PRKCB: variants seen among roughly 807,000 people sequenced by gnomAD.
PRKCB encodes protein kinase C beta type.
Under a neutral mutation model 81.5 loss-of-function variants are expected in PRKCB, and 13 were observed. That is an observed-to-expected ratio of 0.16 (90% CI 0.10 to 0.25). The LOEUF (loss-of-function observed/expected upper bound fraction) is 0.25. Ranked by LOEUF, PRKCB falls within the 10% of genes least tolerant of loss-of-function variation. PRKCB has a pLI of 1.00. For missense variants in PRKCB, 509 were observed against 875.7 expected, an observed-to-expected ratio of 0.58 and a Z score of 5.29; for synonymous variants, 335 against 321.4, an observed-to-expected ratio of 1.04 and a Z score of -0.45.
In PRKCB at chr16:24,215,252, A is replaced by G. The variant is rs1171577083; in HGVS notation, c.*436A>G. On this transcript the variant is annotated 3_prime_UTR_variant, in exon 17 of 17. Coordinates refer to ENST00000643927, the MANE Select transcript of PRKCB (RefSeq NM_002738.7). Reference sequence around the variant, plus strand: ...ATCCAAGTGTATGGTTGCTTTGCCTAAGAGGAATCCCTCTATTTCACCTGT... The same window carrying G: ...ATCCAAGTGTATGGTTGCTTTGCCTGAGAGGAATCCCTCTATTTCACCTGT... The G allele has an allele frequency of 1.0e-6, 1 of 992,512 alleles. No homozygotes were observed. Among genetic ancestry groups the G allele is most frequent in the African/African-American group, 1.7e-5 (1 of 57,354 alleles). The allele number at this position is 992,512 out of a possible 1,614,324, so 61.5% of individuals were successfully genotyped here. A position where few individuals can be genotyped will look rare whatever the true frequency, so the allele number is the denominator to read the frequency against.
At chr16:23,958,266 A>G (rs1333530151) in intron 2 of PRKCB, among the ~76,000 whole-genome samples, 1 of 152,158 alleles carries the variant, frequency 6.6e-6, no homozygotes, top group Admixed American at 6.5e-5. Context: ...TACTGGGATT[A>G]CAAGTGTGAG....
At chr16:23,951,055 A>G (rs2141778883) in intron 2 of PRKCB, among the ~76,000 whole-genome samples, 1 of 152,324 alleles carries the variant, frequency 6.6e-6, no homozygotes, top group African/African-American at 2.4e-5. Flanking sequence ...GGGTGTTTGA[A>G]TATAAGAACA....
At chr16:23,999,924 G>A (rs957085814) in intron 3 of PRKCB, among the ~76,000 whole-genome samples, 4 of 152,120 alleles carry the variant, frequency 2.6e-5, no homozygotes, top group African/African-American at 9.7e-5. Flanking sequence ...GACTGACGAC[G>A]AGCAGGTTGT....
At chr16:24,168,541 C>CCTTTTTTTT (rs1967383206) in intron 10 of PRKCB, among the ~76,000 whole-genome samples, 2 of 76,330 alleles carry the variant, frequency 2.6e-5, no homozygotes, top group Non-Finnish European at 5.9e-5. Context: ...TCTTCTTCTA[C>CCTTTTTTTT]TTTTTTTTTT....
intron 2 of PRKCB, among the ~76,000 whole-genome samples, chr16:23,859,546 G>C (rs545603992): frequency 6.2e-4 from 94 of 152,252 alleles, no homozygotes; most frequent in African/African-American, 2.1e-3. Context: ...ATGGTGGAGA[G>C]GGGGGAGAAA....
intron 16 of PRKCB, among the ~76,000 whole-genome samples, chr16:24,206,289 G>A (rs1968044187): frequency 6.6e-6 from 1 of 152,186 alleles, no homozygotes; most frequent in African/African-American, 2.4e-5. Flanking sequence ...TCGGCTGTGG[G>A]AAACTGGAAG....
At chr16:24,193,759 GA>G (rs2141981755) in intron 16 of PRKCB, among the ~76,000 whole-genome samples, 1 of 152,268 alleles carries the variant, frequency 6.6e-6, no homozygotes, top group Non-Finnish European at 1.5e-5. Context: ...TGGTGAGATA[GA>G]AGAGAAAGTG....
chr16:23,952,075 T>C (rs976987206), intron 2 of PRKCB, among the ~76,000 whole-genome samples: 1 of 152,158 alleles, frequency 6.6e-6, no homozygotes, highest in African/African-American at 2.4e-5. Flanking sequence ...TGAATGAGTT[T>C]TTTTTGTGTG....
At chr16:24,054,676 G>A (rs1976196) in intron 5 of PRKCB, among the ~76,000 whole-genome samples, 37,430 of 152,114 alleles carry the variant, frequency 0.25, 4,804 homozygotes, top group African/African-American at 0.29. Context: ...GGGAGGAAAA[G>A]GTTCTTTTCT....
chr16:24,203,707 A>G (rs562855357), intron 16 of PRKCB, among the ~76,000 whole-genome samples: 3 of 152,216 alleles, frequency 2.0e-5, no homozygotes, highest in Admixed American at 6.5e-5. Context: ...TTGTTTTGTT[A>G]CAAGTGCAGT....
At position 23,950,132 on chromosome 16, in the gene PRKCB, A is replaced by AGTTTTTTT. The variant is rs55986931; in HGVS notation, c.206-38376_206-38375insGTTTTTTT. On this transcript the variant is annotated intron_variant, in intron 2 of 16. Transcript: ENST00000643927. ...AGCAGCATTGGCCCCTATGATTTGAATTTTTTTTTTTTTTTTTTTTTTTTT... is the reference window on the plus strand; with the variant it reads ...AGCAGCATTGGCCCCTATGATTTGAAGTTTTTTTTTTTTTTTTTTTTTTTTTTTTTTTT... 7.8e-4 allele frequency among the ~76,000 whole-genome samples: 76 copies of AGTTTTTTT among 97,770 alleles called. 15 individuals carry two copies. The highest frequency in any genetic ancestry group is 9.1e-4 in the African/African-American group (22 of 24,118). The allele number at this position is 97,770 out of a possible 152,430, so 64.1% of individuals were successfully genotyped here.
chr16:23,886,379 C>T (rs1229626960), intron 2 of PRKCB, among the ~76,000 whole-genome samples: 2 of 141,648 alleles, frequency 1.4e-5, no homozygotes, highest in Non-Finnish European at 3.0e-5. Context: ...AGAGTCACTG[C>T]GAGGGTTGGA....
intron 7 of PRKCB, among the ~76,000 whole-genome samples, chr16:24,096,666 A>ATATATATATATATATAT (rs1555496499): frequency 9.2e-5 from 3 of 32,674 alleles, no homozygotes; most frequent in South Asian, 1.5e-3. Flanking sequence ...AAAAAAAAAA[A>ATATATATATATATATAT]ATATATATAT....
At chr16:24,012,375 A>G (rs929896103) in intron 3 of PRKCB, among the ~76,000 whole-genome samples, 2 of 152,304 alleles carry the variant, frequency 1.3e-5, no homozygotes, top group Admixed American at 6.5e-5. Flanking sequence ...ACTAATAAGC[A>G]GAGTCTGGAT....
At chr16:24,157,362 T>C (rs1257163655) in intron 10 of PRKCB, among the ~76,000 whole-genome samples, 1 of 152,172 alleles carries the variant, frequency 6.6e-6, no homozygotes, top group Non-Finnish European at 1.5e-5. Flanking sequence ...GGTAATTGAA[T>C]CATGGGGGCG....
intron 13 of PRKCB, 109 bp downstream of exon 13, chr16:24,181,037 C>G: frequency 7.4e-7 from 1 of 1,357,596 alleles, no homozygotes; most frequent in Non-Finnish European, 1.0e-6. Flanking sequence ...AAGGGAACCT[C>G]GGACAGATTC....
At chr16:23,947,540 G>A (rs1964218774) in intron 2 of PRKCB, among the ~76,000 whole-genome samples, 1 of 152,148 alleles carries the variant, frequency 6.6e-6, no homozygotes, top group Non-Finnish European at 1.5e-5. Flanking sequence ...CTGAAGTTCT[G>A]TGAATCTGTG....
intron 2 of PRKCB, among the ~76,000 whole-genome samples, chr16:23,897,553 G>T (rs1045174779): frequency 2.0e-5 from 3 of 152,162 alleles, no homozygotes; most frequent in African/African-American, 7.2e-5. Flanking sequence ...CCTGTTGGTG[G>T]GTTCTCTTAG....
At chr16:23,914,734 AT>A (rs1567312422) in intron 2 of PRKCB, among the ~76,000 whole-genome samples, 1 of 152,054 alleles carries the variant, frequency 6.6e-6, no homozygotes, top group African/African-American at 2.4e-5. Context: ...TGCCCAATCG[AT>A]TTCACTCATT....
Sources: gnomAD v4.1 joint callset for allele counts (sites outside exome capture counted in the v4.1 genomes callset) on GRCh38, gnomAD v4.1.1 for gene constraint, MANE v1.5 for transcripts, NCBI Gene and HGNC (gene_info 2026-07-23, HGNC 2026-07-21) for gene names.